Variants in TTLL13 observed in about 807,000 individuals in gnomAD.
TTLL13 encodes tubulin polyglutamylase TTLL13.
the TTLL13 span, chr15:90,257,044 A>G: frequency 8.2e-7 from 1 of 1,213,018 alleles, no homozygotes; most frequent in Non-Finnish European, 1.2e-6. Context: ...TTATTGTGGA[A>G]ATTCAATTAG....
At chr15:90,256,077 C>A in the TTLL13 span, 1 of 1,586,164 alleles carries the variant, frequency 6.3e-7, no homozygotes, top group East Asian at 2.2e-5. Context: ...AGGAAGAGCT[C>A]CATGCGGCCC....
At chr15:90,261,062 A>G in the TTLL13 span, among the ~76,000 whole-genome samples, 14 of 150,302 alleles carry the variant, frequency 9.3e-5, no homozygotes, top group African/African-American at 3.4e-4. Context: ...ATGAACGTAT[A>G]TTACCTTTTT....
At chr15:90,255,148 A>T in the TTLL13 span, among the ~76,000 whole-genome samples, 1 of 152,186 alleles carries the variant, frequency 6.6e-6, no homozygotes, top group Non-Finnish European at 1.5e-5. Context: ...CAACGGAAAG[A>T]TTCTCCTCCT....
the TTLL13 span, chr15:90,258,235 T>G: frequency 2.5e-6 from 4 of 1,614,124 alleles, no homozygotes; most frequent in African/African-American, 5.3e-5. Flanking sequence ...TTTGACATCT[T>G]GCTGGACCAC....
At chr15:90,263,914 G>A in the TTLL13 span, 3 of 1,395,552 alleles carry the variant, frequency 2.1e-6, no homozygotes, top group South Asian at 1.2e-5. Flanking sequence ...CATGAATGCT[G>A]CAATCCCACA....
chr15:90,253,385 T>A, the TTLL13 span: 1 of 1,591,618 alleles, frequency 6.3e-7, no homozygotes, highest in Non-Finnish European at 8.6e-7. Flanking sequence ...TCTCCTGACC[T>A]GAGAGCCGAC....
the TTLL13 span, chr15:90,258,502 C>A: frequency 6.5e-6 from 4 of 615,990 alleles, no homozygotes; most frequent in South Asian, 5.9e-5. Flanking sequence ...TCCCCAGTGC[C>A]CTAATGTAAG....
the TTLL13 span, chr15:90,262,378 A>G: frequency 2.4e-6 from 3 of 1,235,336 alleles, no homozygotes; most frequent in Non-Finnish European, 3.3e-6. Context: ...TTGCTCTCGC[A>G]TCAGTCCTAA....
chr15:90,258,413 A>T, the TTLL13 span: 1 of 740,346 alleles, frequency 1.4e-6, no homozygotes, highest in Non-Finnish European at 2.3e-6. Context: ...AGCAGAAGGC[A>T]TAAGATCTCT....
At chr15:90,257,176 C>G in the TTLL13 span, 455,689 of 1,612,450 alleles carry the variant, frequency 0.28, 72,579 homozygotes, top group East Asian at 0.67. Flanking sequence ...ATATGCGAGT[C>G]TACGTCCTGA....
At chr15:90,254,285 G>C in the TTLL13 span, among the ~76,000 whole-genome samples, 1 of 151,612 alleles carries the variant, frequency 6.6e-6, no homozygotes, top group Non-Finnish European at 1.5e-5. Flanking sequence ...ATGAGGTCAG[G>C]AGTTCAAGAC....
At chr15:90,250,526 G>A in the TTLL13 span, 2 of 1,401,794 alleles carry the variant, frequency 1.4e-6, no homozygotes, top group Non-Finnish European at 9.7e-7. Context: ...ATAACAGCAT[G>A]AAGGTCGTTC....
the TTLL13 span, among the ~76,000 whole-genome samples, chr15:90,254,924 G>A: frequency 1.3e-5 from 2 of 152,204 alleles, no homozygotes; most frequent in African/African-American, 2.4e-5. Flanking sequence ...AACAGACTCC[G>A]TGTTAAGTGC....
chr15:90,258,656 T>A, the TTLL13 span: 1 of 1,170,270 alleles, frequency 8.5e-7, no homozygotes. Context: ...GAGAGGAATA[T>A]CTTAGACCCT....
At chr15:90,250,500 GCA>G in the TTLL13 span, 1 of 1,141,356 alleles carries the variant, frequency 8.8e-7, no homozygotes. Context: ...TCCTGAAGGG[GCA>G]GCAACTTTCC....
the TTLL13 span, chr15:90,262,966 C>T: frequency 2.0e-6 from 3 of 1,535,354 alleles, no homozygotes; most frequent in Non-Finnish European, 2.6e-6. Flanking sequence ...TACCTTGTAG[C>T]TGCTGCCGGG....
At chr15:90,256,130 T>TGGTG in the TTLL13 span, 1 of 1,613,404 alleles carries the variant, frequency 6.2e-7, no homozygotes, top group African/African-American at 1.3e-5. Flanking sequence ...CCAGGCCCTC[T>TGGTG]CTGCACATAG....
At chr15:90,263,307 T>G in the TTLL13 span, 3 of 618,738 alleles carry the variant, frequency 4.8e-6, no homozygotes, top group South Asian at 2.3e-5. Context: ...GTCTGTTGAT[T>G]CCTTTTGCGT....
At chr15:90,249,762 G>A in the TTLL13 span, 4 of 152,158 alleles carry the variant, frequency 2.6e-5, no homozygotes, top group Non-Finnish European at 5.9e-5. Flanking sequence ...ATCCCCAGGC[G>A]GCTAGGGGCG....
Sources: allele counts gnomAD v4.1 joint callset (sites outside exome capture counted in the v4.1 genomes callset), GRCh38; gene constraint gnomAD v4.1.1; transcripts MANE v1.5; gene names NCBI Gene and HGNC (gene_info 2026-07-23, HGNC 2026-07-21).